VAPB: variants seen among roughly 807,000 people sequenced by gnomAD.
VAPB encodes VAMP associated protein B and C, also known as vesicle-associated membrane protein-associated protein B/C.
In VAPB, 7 loss-of-function variants were observed where a neutral mutation model predicts 25.6. The observed-to-expected ratio is 0.27, with a 90% CI of 0.16 to 0.51. The LOEUF (loss-of-function observed/expected upper bound fraction) is 0.51. Among genes scored for constraint, VAPB ranks in the 20% least tolerant of loss-of-function variants. VAPB has a pLI of 0.97. For missense variants in VAPB, 266 were observed against 301.3 expected (o/e 0.88, Z 0.87); for synonymous variants, 112 against 109.2 (o/e 1.03, Z -0.16).
rs1489214465 is a variant in VAPB at position 58,445,407 on chromosome 20, A to G, written c.*1172A>G. 1 of 454,578 alleles carries G rather than the reference A, an allele frequency of 2.2e-6. No individual in the cohort carries two copies. Among genetic ancestry groups the G allele is most frequent in the Non-Finnish European group, 4.4e-6 (1 of 226,792 alleles). 28.2% of individuals were successfully genotyped at this position (454,578 alleles called of 1,614,324 possible). On this transcript the variant is annotated 3_prime_UTR_variant, in exon 6 of 6. Coordinates refer to ENST00000475243, the MANE Select transcript of VAPB (RefSeq NM_004738.5). ...GCAGTTGTGGGTGGGGAGCAAGGGA[A>G]GAGAGAAACTCTTCAGCGAATCCTT...
In VAPB at chr20:58,445,647, C is replaced by T. The variant is rs1179423624; in HGVS notation, c.*1412C>T. 2.2e-6 allele frequency: 1 copy of T among 453,496 alleles called. No individual in the cohort carries two copies. Among genetic ancestry groups the T allele is most frequent in the Non-Finnish European group, 4.4e-6 (1 of 226,700 alleles). The allele number at this position is 453,496 out of a possible 1,614,324, so 28.1% of individuals were successfully genotyped here. On this transcript the variant is annotated 3_prime_UTR_variant, in exon 6 of 6. Coordinates refer to ENST00000475243, the MANE Select transcript of VAPB (RefSeq NM_004738.5). ...ATTGGAAGGTTAACTTTAAAATGAG[C>T]CCTATCACTGAGAAATACGTGTTTC...
At chr20:58,405,742 C>CT (rs71181964) in intron 1 of VAPB, among the ~76,000 whole-genome samples, 17,965 of 43,020 alleles carry the variant, frequency 0.42, 8,050 homozygotes, top group Non-Finnish European at 0.52. Flanking sequence ...GGCCAGGAGC[C>CT]TTTTTTTTTT....
chr20:58,418,454 A>G (rs1988598323), intron 2 of VAPB, 91 bp downstream of exon 2: 2 of 1,497,316 alleles, frequency 1.3e-6, no homozygotes, highest in East Asian at 2.4e-5. Context: ...GTGTAGCAGA[A>G]GAAGATGATA....
chr20:58,415,075 G>C (rs1167011636), intron 1 of VAPB, among the ~76,000 whole-genome samples: 1 of 151,764 alleles, frequency 6.6e-6, no homozygotes, highest in Non-Finnish European at 1.5e-5. Context: ...CCAGTCAGGC[G>C]TGGCGGCGCG....
chr20:58,425,917 A>G (rs996544317), intron 2 of VAPB, among the ~76,000 whole-genome samples: 2 of 151,978 alleles, frequency 1.3e-5, no homozygotes, highest in Non-Finnish European at 2.9e-5. Context: ...ATTTTTGACA[A>G]AGTCTCTCTC....
intron 1 of VAPB, among the ~76,000 whole-genome samples, chr20:58,414,142 C>A: frequency 8.0e-6 from 1 of 124,486 alleles, no homozygotes; most frequent in Non-Finnish European, 1.8e-5. Flanking sequence ...GCCCCGACCT[C>A]CCTCCCGGAC....
intron 2 of VAPB, among the ~76,000 whole-genome samples, chr20:58,424,363 T>TA (rs1458132740): frequency 6.6e-6 from 1 of 151,942 alleles, no homozygotes; most frequent in Non-Finnish European, 1.5e-5. Flanking sequence ...TGACAGTGCA[T>TA]AGCAGACAGT....
At chr20:58,394,015 C>T (rs1166967599) in intron 1 of VAPB, among the ~76,000 whole-genome samples, 2 of 152,134 alleles carry the variant, frequency 1.3e-5, no homozygotes, top group Admixed American at 6.5e-5. Flanking sequence ...GATAGGTGTG[C>T]GCCACTGCAC....
At chr20:58,413,563 C>T (rs527839155) in intron 1 of VAPB, among the ~76,000 whole-genome samples, 1 of 152,216 alleles carries the variant, frequency 6.6e-6, no homozygotes, top group South Asian at 2.1e-4. Context: ...ACAGACATGG[C>T]AACCATCCGA....
rs1272853679 is a variant in VAPB at position 58,447,501 on chromosome 20, A to G, written c.*3266A>G. 1 of 454,136 alleles carries G rather than the reference A, an allele frequency of 2.2e-6. No individual in the cohort carries two copies. Among genetic ancestry groups the G allele is most frequent in the Admixed American group, 2.3e-5 (1 of 42,576 alleles). The allele number at this position is 454,136 out of a possible 1,614,324, so 28.1% of individuals were successfully genotyped here. ...TGAAGAACCTCCAGTGATCCGTGAA[A>G]ACCTAAACGCTTTCAAACAAATCCC... On this transcript the variant is annotated 3_prime_UTR_variant, in exon 6 of 6. Transcript: ENST00000475243.
At chr20:58,414,179 ACCCCCCACCTCCCTCCCTGACGGGGC>A (rs1988463755) in intron 1 of VAPB, among the ~76,000 whole-genome samples, 1 of 78,142 alleles carries the variant, frequency 1.3e-5, no homozygotes, top group Non-Finnish European at 2.6e-5. Flanking sequence ...CGGGGGGCTG[ACCCCCCACCTCCCTCCCTGACGGGGC>A]GGCTGGCCGG....
chr20:58,390,422 A>G (rs1171081880), intron 1 of VAPB: 1 of 151,782 alleles, frequency 6.6e-6, no homozygotes, highest in African/African-American at 2.4e-5. Context: ...CCACGAGGTA[A>G]AAGTTCTTGT....
intron 5 of VAPB, 66 bp from the exon 6 acceptor site, chr20:58,444,011 G>A (rs1989218321): frequency 1.2e-6 from 2 of 1,611,908 alleles, no homozygotes; most frequent in Admixed American, 1.7e-5. Flanking sequence ...ATCCCGTTAA[G>A]CTGTACAGTT....
intron 5 of VAPB, among the ~76,000 whole-genome samples, chr20:58,443,423 A>G (rs1404788874): frequency 8.7e-6 from 1 of 115,110 alleles, no homozygotes; most frequent in Non-Finnish European, 1.8e-5. Context: ...TTTTTTTAAT[A>G]TGGAGTCTCA....
chr20:58,413,294 G>A (rs1042526303), intron 1 of VAPB, among the ~76,000 whole-genome samples: 16 of 151,532 alleles, frequency 1.1e-4, no homozygotes, highest in Non-Finnish European at 1.8e-4. Flanking sequence ...AGGACCCTGC[G>A]GCCTTCCGCA....
chr20:58,411,630 G>T (rs1988381639), intron 1 of VAPB, among the ~76,000 whole-genome samples: 1 of 152,144 alleles, frequency 6.6e-6, no homozygotes, highest in African/African-American at 2.4e-5. Context: ...TGGCTGTTCA[G>T]ATCTTTTGCC....
chr20:58,401,219 A>G (rs144855744), intron 1 of VAPB, among the ~76,000 whole-genome samples: 1 of 152,196 alleles, frequency 6.6e-6, no homozygotes, highest in East Asian at 1.9e-4. Flanking sequence ...CTTTCTTTAC[A>G]TACCTAGCAC....
chr20:58,390,023 C>T (rs951349422), intron 1 of VAPB: 2 of 155,316 alleles, frequency 1.3e-5, no homozygotes, highest in Admixed American at 1.3e-4. Flanking sequence ...ATCACTGTTT[C>T]AATACTAGAA....
chr20:58,445,684 CTGTG>C lies in VAPB; in HGVS notation c.*1483_*1486del, dbSNP rs138225455. On this transcript the variant is annotated 3_prime_UTR_variant, in exon 6 of 6. Coordinates refer to ENST00000475243, the MANE Select transcript of VAPB (RefSeq NM_004738.5). ...GAAATACGTGTTTCATGATTTAACTCTGTGTGTGTGTGTGTGTGTGTGTGTGTGT... is the reference window on the plus strand; with the variant it reads ...GAAATACGTGTTTCATGATTTAACTCTGTGTGTGTGTGTGTGTGTGTGTGT... 0.017 allele frequency: 7,396 copies of C among 432,062 alleles called. 194 individuals carry two copies. The highest frequency in any genetic ancestry group is 0.097 in the African/African-American group (4,634 of 47,826). The allele number at this position is 432,062 out of a possible 1,614,324, so 26.8% of individuals were successfully genotyped here.
Sources: allele counts gnomAD v4.1 joint callset (sites outside exome capture counted in the v4.1 genomes callset), GRCh38; gene constraint gnomAD v4.1.1; transcripts MANE v1.5; gene names NCBI Gene and HGNC (gene_info 2026-07-23, HGNC 2026-07-21).